The following GALNTL6 variants were observed in gnomAD, a reference collection of about 807,000 sequenced individuals.
GALNTL6 encodes polypeptide N-acetylgalactosaminyltransferase like 6.
In GALNTL6, 46 loss-of-function variants were observed where a neutral mutation model predicts 73.7. That is an observed-to-expected ratio of 0.62 (90% CI 0.49 to 0.80). The LOEUF (loss-of-function observed/expected upper bound fraction) is 0.80. Among genes scored for constraint, GALNTL6 ranks in the 30% least tolerant of loss-of-function variants. The probability of loss-of-function intolerance (pLI) is 0.00; values close to 1 mark genes in which losing one functional copy is unlikely to be tolerated. For missense variants in GALNTL6, 604 were observed against 755.0 expected (o/e 0.80, Z 2.34); for synonymous variants, 259 against 263.7 (o/e 0.98, Z 0.17).
At chr4:172,196,529 T>C (rs1735778532) in intron 2 of GALNTL6, among the ~76,000 whole-genome samples, 1 of 152,156 alleles carries the variant, frequency 6.6e-6, no homozygotes, top group Non-Finnish European at 1.5e-5. Flanking sequence ...CTGCTGAACA[T>C]TGATGCAAAA....
At chr4:172,311,506 G>C in intron 3 of GALNTL6, 108 bp from the exon 4 acceptor site, 2 of 798,550 alleles carry the variant, frequency 2.5e-6, no homozygotes, top group Non-Finnish European at 3.7e-6. Context: ...AGCTCCTTCT[G>C]CAGAGCACAG....
At chr4:172,781,132 G>A (rs1281439312) in intron 5 of GALNTL6, among the ~76,000 whole-genome samples, 1 of 152,190 alleles carries the variant, frequency 6.6e-6, no homozygotes, top group Admixed American at 6.5e-5. Context: ...CGTAAGTTAA[G>A]GAAGTCTGCC....
chr4:172,454,476 A>G (rs1561090440), intron 5 of GALNTL6, among the ~76,000 whole-genome samples: 1 of 152,230 alleles, frequency 6.6e-6, no homozygotes, highest in African/African-American at 2.4e-5. Flanking sequence ...CATGAGGTAC[A>G]TAGATGTTTT....
chr4:172,922,342 A>T (rs564224625), intron 8 of GALNTL6, among the ~76,000 whole-genome samples: 1 of 152,128 alleles, frequency 6.6e-6, no homozygotes, highest in Non-Finnish European at 1.5e-5. Context: ...TACTACCAAA[A>T]ATTTCTTTTA....
Position 172,854,650 on chromosome 4 carries a change from T to TA in GALNTL6, c.924-28132dup, listed in dbSNP as rs547087047. Among the ~76,000 whole-genome samples, 288 of 152,012 alleles carry TA rather than the reference T, an allele frequency of 1.9e-3. 1 individual carries two copies. Among genetic ancestry groups the TA allele is most frequent in the African/African-American group, 6.6e-3 (272 of 41,488 alleles). ...TCTTTCCCCATTCTATATCCAATTG[T>TA]AAAAAAAACCCTCTCCATTCTTCAA... On this transcript the variant is annotated intron_variant, in intron 7 of 12. Transcript: ENST00000506823.
Position 172,582,745 on chromosome 4 carries a change from C to G in GALNTL6, c.554-226616C>G, listed in dbSNP as rs7377020. 2.4e-5 allele frequency among the ~76,000 whole-genome samples: 3 copies of G among 123,464 alleles called. No individual in the cohort carries two copies. The East Asian group carries it at 5.9e-4, about 24-fold the overall frequency. The allele number at this position is 123,464 out of a possible 152,430, so 81.0% of individuals were successfully genotyped here. On this transcript the variant is annotated intron_variant, in intron 5 of 12. Transcript: ENST00000506823. ...TACTCATTGGGAAATCACACACACA[C>G]AGACACACACACACACACACACACA...
At chr4:172,369,729 T>C (rs888820809) in intron 5 of GALNTL6, among the ~76,000 whole-genome samples, 2 of 152,164 alleles carry the variant, frequency 1.3e-5, no homozygotes, top group African/African-American at 4.8e-5. Context: ...AGCCCCTCAC[T>C]GCCCGGGGCC....
rs1316589418 is a variant in GALNTL6, at chr4:172,185,552, A to G, written c.139-44104A>G. Among the ~76,000 whole-genome samples the G allele has an allele frequency of 2.0e-5, 3 of 152,354 alleles. No homozygotes were observed. In the East Asian group the frequency reaches 5.8e-4, roughly 29 times the overall value. On this transcript the variant is annotated intron_variant, in intron 2 of 12. Coordinates refer to ENST00000506823, the MANE Select transcript of GALNTL6 (RefSeq NM_001034845.3). ...AGTTCTCTTCAATTATTAGAATTGAAAAGAGGCAGATAAATCATCTTTTTT... is the reference window on the plus strand; with the variant it reads ...AGTTCTCTTCAATTATTAGAATTGAGAAGAGGCAGATAAATCATCTTTTTT...
At chr4:172,182,204 G>A (rs1579224138) in intron 2 of GALNTL6, among the ~76,000 whole-genome samples, 1 of 152,262 alleles carries the variant, frequency 6.6e-6, no homozygotes, top group South Asian at 2.1e-4. Flanking sequence ...ACTTATGAGG[G>A]ATGTGAAAGA....
intron 12 of GALNTL6, among the ~76,000 whole-genome samples, chr4:173,031,109 T>C (rs1753441930): frequency 6.6e-6 from 1 of 152,168 alleles, no homozygotes; most frequent in Non-Finnish European, 1.5e-5. Context: ...TTTGGGACCT[T>C]GGGCAACTTT....
At position 172,807,385 on chromosome 4, in the gene GALNTL6, C is replaced by T. The variant is rs535622911; in HGVS notation, c.554-1976C>T. 2.6e-5 allele frequency among the ~76,000 whole-genome samples: 4 copies of T among 152,258 alleles called. No individual in the cohort carries two copies. The South Asian group carries it at 8.3e-4, about 32-fold the overall frequency. Reference sequence around the variant, plus strand: ...CAAAAGAAAATTCTAAATTTTTTGTCATTTGGGCTCAGCATTCAAAGGCAT... The same window carrying T: ...CAAAAGAAAATTCTAAATTTTTTGTTATTTGGGCTCAGCATTCAAAGGCAT... On this transcript the variant is annotated intron_variant, in intron 5 of 12. Coordinates refer to ENST00000506823, the MANE Select transcript of GALNTL6 (RefSeq NM_001034845.3).
chr4:171,994,531 G>A (rs1740430790), intron 2 of GALNTL6, among the ~76,000 whole-genome samples: 1 of 151,990 alleles, frequency 6.6e-6, no homozygotes, highest in Non-Finnish European at 1.5e-5. Context: ...AGGTTGGGAG[G>A]AGGATGAGAG....
chr4:172,930,057 A>T (rs1032118419), intron 8 of GALNTL6, among the ~76,000 whole-genome samples: 5 of 152,152 alleles, frequency 3.3e-5, no homozygotes, highest in Non-Finnish European at 7.4e-5. Flanking sequence ...TGGGCGGATC[A>T]CCTGAGGTCA....
intron 2 of GALNTL6, among the ~76,000 whole-genome samples, chr4:172,032,030 C>G (rs1000186659): frequency 6.6e-6 from 1 of 152,046 alleles, no homozygotes; most frequent in Admixed American, 6.6e-5. Context: ...CAACTGATAT[C>G]ACCCATAAAA....
intron 7 of GALNTL6, among the ~76,000 whole-genome samples, chr4:172,878,835 G>T (rs1157838715): frequency 1.3e-5 from 2 of 151,756 alleles, no homozygotes; most frequent in Non-Finnish European, 3.0e-5. Flanking sequence ...CATGCAAGAT[G>T]CAAGTATATG....
intron 5 of GALNTL6, among the ~76,000 whole-genome samples, chr4:172,605,783 C>A (rs1016090431): frequency 6.6e-6 from 1 of 151,804 alleles, no homozygotes; most frequent in Admixed American, 6.6e-5. Context: ...GGCATGTGGA[C>A]ACATTGAAGA....
At chr4:172,127,740 A>C (rs1267907535) in intron 2 of GALNTL6, among the ~76,000 whole-genome samples, 1 of 152,232 alleles carries the variant, frequency 6.6e-6, no homozygotes, top group East Asian at 1.9e-4. Flanking sequence ...TATACAAACA[A>C]AAATCATCCT....
At chr4:172,657,795 G>A (rs1485510971) in intron 5 of GALNTL6, among the ~76,000 whole-genome samples, 1 of 152,134 alleles carries the variant, frequency 6.6e-6, no homozygotes, top group Non-Finnish European at 1.5e-5. Flanking sequence ...GTGGGGTTAA[G>A]GGAAGATATG....
intron 5 of GALNTL6, among the ~76,000 whole-genome samples, chr4:172,710,597 T>G (rs1195856098): frequency 6.6e-6 from 1 of 152,194 alleles, no homozygotes; most frequent in African/African-American, 2.4e-5. Flanking sequence ...CTTGCTGTTT[T>G]GATTCCAAAT....
Sources: allele counts gnomAD v4.1 joint callset (sites outside exome capture counted in the v4.1 genomes callset), GRCh38; gene constraint gnomAD v4.1.1; transcripts MANE v1.5; gene names NCBI Gene and HGNC (gene_info 2026-07-23, HGNC 2026-07-21).